The following KCNIP4 variants were observed in gnomAD, a reference collection of about 807,000 sequenced individuals.
KCNIP4 encodes the protein Kv channel-interacting protein 4.
Under a neutral mutation model 34.0 loss-of-function variants are expected in KCNIP4, and 12 were observed. The ratio of observed to expected loss-of-function variants is 0.35; its 90% CI spans 0.23 to 0.57. The LOEUF (loss-of-function observed/expected upper bound fraction) is 0.57. Ranked by LOEUF, KCNIP4 falls within the 20% of genes least tolerant of loss-of-function variation. The pLI, the probability that KCNIP4 is intolerant of heterozygous loss-of-function variation, is 0.83. For missense variants in KCNIP4, 238 were observed against 311.7 expected, an observed-to-expected ratio of 0.76 and a Z score of 1.78; for synonymous variants, 124 against 102.2, an observed-to-expected ratio of 1.21 and a Z score of -1.29.
intron 1 of KCNIP4, among the ~76,000 whole-genome samples, chr4:20,939,877 A>G (rs4696970): frequency 0.88 from 133,492 of 152,264 alleles, 58,866 homozygotes; most frequent in African/African-American, 0.97. Flanking sequence ...AAAGACCAGT[A>G]TCCTGGTCCA....
chr4:21,349,715 G>C (rs909233988), intron 1 of KCNIP4, among the ~76,000 whole-genome samples: 2 of 152,164 alleles, frequency 1.3e-5, no homozygotes, highest in South Asian at 4.1e-4. Flanking sequence ...TAAAGGTAGA[G>C]TGTGCAGGGG....
intron 1 of KCNIP4, among the ~76,000 whole-genome samples, chr4:21,794,501 C>A (rs1216582526): frequency 1.3e-5 from 2 of 152,162 alleles, no homozygotes; most frequent in Non-Finnish European, 2.9e-5. Flanking sequence ...ATAACTGCAA[C>A]ACGAGGGATG....
intron 1 of KCNIP4, among the ~76,000 whole-genome samples, chr4:21,290,265 A>G (rs887754468): frequency 6.6e-6 from 1 of 152,134 alleles, no homozygotes; most frequent in African/African-American, 2.4e-5. Context: ...AATGTTAAAT[A>G]TGTTTTCTGG....
chr4:21,528,747 GAAAGAAAGAAAGAAAGAAAGAAAGAAAGA>G (rs1736294283), intron 1 of KCNIP4, among the ~76,000 whole-genome samples: 3 of 7,920 alleles, frequency 3.8e-4, no homozygotes, highest in Admixed American at 2.7e-3. Flanking sequence ...AAGAAAGAAA[GAAAGAAAGAAAGAAAGAAAGAAAGAAAGA>G]AAGGAAGAAA....
chr4:21,504,475 A>AAAAAGAAAG (rs1264431211), intron 1 of KCNIP4, among the ~76,000 whole-genome samples: 2,932 of 101,770 alleles, frequency 0.029, 82 homozygotes, highest in Non-Finnish European at 0.04. Context: ...CAAAAAAAAA[A>AAAAAGAAAG]AAAGAAAGAA....
At chr4:21,000,185 A>G (rs1056474809) in intron 1 of KCNIP4, among the ~76,000 whole-genome samples, 3 of 152,152 alleles carry the variant, frequency 2.0e-5, no homozygotes, top group African/African-American at 7.2e-5. Context: ...ATGATTAGCA[A>G]AAAATTTGGC....
At chr4:20,919,523 G>A (rs1043060500) in intron 1 of KCNIP4, among the ~76,000 whole-genome samples, 1 of 151,892 alleles carries the variant, frequency 6.6e-6, no homozygotes, top group Non-Finnish European at 1.5e-5. Flanking sequence ...CTAACATGGT[G>A]AAACCCCATC....
intron 1 of KCNIP4, among the ~76,000 whole-genome samples, chr4:21,289,348 G>A (rs957641996): frequency 4.6e-5 from 7 of 151,890 alleles, no homozygotes; most frequent in Non-Finnish European, 7.4e-5. Flanking sequence ...AATTATTGTC[G>A]AGTATAGTCA....
intron 2 of KCNIP4, among the ~76,000 whole-genome samples, chr4:20,879,284 T>G (rs1724416118): frequency 6.6e-6 from 1 of 152,132 alleles, no homozygotes; most frequent in African/African-American, 2.4e-5. Flanking sequence ...CTAAATTAAT[T>G]CTCATTAGAT....
intron 1 of KCNIP4, among the ~76,000 whole-genome samples, chr4:21,193,571 A>ATTTTTTTTTTT (rs71655619): frequency 4.2e-5 from 5 of 119,238 alleles, no homozygotes; most frequent in African/African-American, 1.1e-4. Flanking sequence ...GCAATTTTAA[A>ATTTTTTTTTTT]TTTTTTTTTT....
intron 1 of KCNIP4, among the ~76,000 whole-genome samples, chr4:21,428,981 A>AT (rs1726178938): frequency 6.6e-6 from 1 of 152,178 alleles, no homozygotes; most frequent in African/African-American, 2.4e-5. Context: ...TTAATACATC[A>AT]TTATCACCCA....
intron 1 of KCNIP4, among the ~76,000 whole-genome samples, chr4:21,665,985 T>C (rs1286971009): frequency 2.0e-5 from 3 of 152,174 alleles, no homozygotes; most frequent in African/African-American, 4.8e-5. Context: ...ACAAGAAATA[T>C]AAATCTATTA....
intron 1 of KCNIP4, among the ~76,000 whole-genome samples, chr4:21,772,162 C>G (rs1235736792): frequency 3.3e-5 from 5 of 152,154 alleles, no homozygotes; most frequent in Non-Finnish European, 7.3e-5. Flanking sequence ...AAGGCCTTTT[C>G]TGCATCTATT....
chr4:21,577,398 G>C (rs1346436855), intron 1 of KCNIP4, among the ~76,000 whole-genome samples: 1 of 152,106 alleles, frequency 6.6e-6, no homozygotes, highest in African/African-American at 2.4e-5. Flanking sequence ...TGGAGGCTGA[G>C]GTGGGCAGAC....
In KCNIP4 at chr4:20,729,871, T is replaced by TC. The variant is rs1289839442; in HGVS notation, c.*210dup. 3 of 447,928 alleles carry TC rather than the reference T, an allele frequency of 6.7e-6. No homozygotes were observed. Among genetic ancestry groups the TC allele is most frequent in the Non-Finnish European group, 1.2e-5 (3 of 256,314 alleles). 27.7% of individuals were successfully genotyped at this position (447,928 alleles called of 1,614,324 possible). On this transcript the variant is annotated 3_prime_UTR_variant, in exon 9 of 9. Transcript: ENST00000382152. ...ACAGAGTATGAAATGAGTTAGACCA[T>TC]CCCCTGAACTCAGTGGCATTATGAA...
At chr4:20,903,021 T>C (rs1176639865) in intron 1 of KCNIP4, among the ~76,000 whole-genome samples, 3 of 152,204 alleles carry the variant, frequency 2.0e-5, no homozygotes, top group African/African-American at 4.8e-5. Context: ...ATTTCCTATA[T>C]ATGTGGTGTG....
intron 1 of KCNIP4, among the ~76,000 whole-genome samples, chr4:21,855,945 C>T (rs1277270862): frequency 6.6e-6 from 1 of 152,208 alleles, no homozygotes; most frequent in Non-Finnish European, 1.5e-5. Context: ...CAATTAACAA[C>T]ATTGAAAAAT....
rs566960119 is a variant in KCNIP4 at position 21,110,497 on chromosome 4, G to A, written c.62-227788C>T. Among the ~76,000 whole-genome samples the A allele has an allele frequency of 1.1e-3, 160 of 152,314 alleles. 2 individuals carry two copies. Among genetic ancestry groups the A allele is most frequent in the African/African-American group, 3.7e-3 (153 of 41,578 alleles). On this transcript the variant is annotated intron_variant, in intron 1 of 8. Transcript: ENST00000382152. ...AACTTGTGCTTACTCTTAGCAGTTA[G>A]TGCTATAGTATTCTATTACATTAGT... is the stretch of plus-strand genomic sequence containing the variant.
chr4:20,969,625 A>G (rs982149200), intron 1 of KCNIP4, among the ~76,000 whole-genome samples: 1 of 152,024 alleles, frequency 6.6e-6, no homozygotes, highest in African/African-American at 2.4e-5. Context: ...ATTCCACTCT[A>G]TGACTCCATC....
Sources: gnomAD v4.1 joint callset for allele counts (sites outside exome capture counted in the v4.1 genomes callset) on GRCh38, gnomAD v4.1.1 for gene constraint, MANE v1.5 for transcripts, NCBI Gene and HGNC (gene_info 2026-07-23, HGNC 2026-07-21) for gene names.